DEPTOR: variants seen among roughly 807,000 people sequenced by gnomAD.
DEPTOR encodes the protein DEP domain-containing mTOR-interacting protein.
In DEPTOR, 41 loss-of-function variants were observed where a neutral mutation model predicts 41.6. The observed-to-expected ratio is 0.98, with a 90% CI of 0.77 to 1.28. The LOEUF is 1.28. DEPTOR is among the 50% of genes most tolerant of loss of function. The pLI, the probability that DEPTOR is intolerant of heterozygous loss-of-function variation, is 0.00. For missense variants in DEPTOR, 514 were observed against 527.9 expected (o/e 0.97, Z 0.26); for synonymous variants, 195 against 192.3 (o/e 1.01, Z -0.12).
intron 8 of DEPTOR, among the ~76,000 whole-genome samples, chr8:120,017,026 T>C (rs1218770398): frequency 6.6e-6 from 1 of 152,248 alleles, no homozygotes; most frequent in Non-Finnish European, 1.5e-5. Flanking sequence ...CTTGTCCATC[T>C]GTTCTCAACG....
chr8:120,028,038 G>A (rs1026521776), intron 8 of DEPTOR, among the ~76,000 whole-genome samples: 1 of 152,252 alleles, frequency 6.6e-6, no homozygotes, highest in African/African-American at 2.4e-5. Context: ...TGCGTAATCC[G>A]GTCATGTTGT....
In DEPTOR at chr8:119,969,604, C is replaced by T. The variant is rs193108220; in HGVS notation, c.604+4194C>T. 5.9e-5 allele frequency among the ~76,000 whole-genome samples: 9 copies of T among 152,316 alleles called. No homozygotes were observed. The East Asian group carries it at 1.7e-3, about 29-fold the overall frequency. ...CTCCTGACCTCAGGTGATCCACCCA[C>T]CTTGGCCTCCCAAAGTGCTGGGATT... On this transcript the variant is annotated intron_variant, in intron 4 of 8. Coordinates refer to ENST00000286234, the MANE Select transcript of DEPTOR (RefSeq NM_022783.4).
intron 8 of DEPTOR, among the ~76,000 whole-genome samples, chr8:120,014,592 A>T (rs969671095): frequency 2.0e-5 from 3 of 151,816 alleles, no homozygotes; most frequent in Non-Finnish European, 4.4e-5. Context: ...CAGTGGTACA[A>T]TCTTGGCTCA....
chr8:119,950,827 G>A (rs540788540), intron 3 of DEPTOR, among the ~76,000 whole-genome samples: 1 of 152,094 alleles, frequency 6.6e-6, no homozygotes, highest in African/African-American at 2.4e-5. Context: ...CCAACTCCTG[G>A]CCTCAAGAGA....
chr8:119,922,189 A>G (rs549249079), intron 1 of DEPTOR, among the ~76,000 whole-genome samples: 1 of 151,722 alleles, frequency 6.6e-6, no homozygotes, highest in East Asian at 2.0e-4. Flanking sequence ...CAGTGAGCCA[A>G]GATGGCGCCA....
At chr8:120,023,592 A>G (rs927263450) in intron 8 of DEPTOR, among the ~76,000 whole-genome samples, 1 of 152,180 alleles carries the variant, frequency 6.6e-6, no homozygotes, top group African/African-American at 2.4e-5. Flanking sequence ...TCTTTACTAT[A>G]TCTGCTGGGA....
chr8:120,044,295 T>G (rs1463731860), intron 8 of DEPTOR, among the ~76,000 whole-genome samples: 1 of 151,946 alleles, frequency 6.6e-6, no homozygotes, highest in Non-Finnish European at 1.5e-5. Flanking sequence ...CCAGCTAATG[T>G]TTCGTATTTA....
chr8:119,965,512 T>G, intron 4 of DEPTOR, 102 bp downstream of exon 4: 2 of 1,405,378 alleles, frequency 1.4e-6, no homozygotes, highest in Non-Finnish European at 1.9e-6. Context: ...AATCTGTAAG[T>G]CAGCTGCACC....
At chr8:119,962,821 T>TG (rs1311578687) in intron 3 of DEPTOR, among the ~76,000 whole-genome samples, 3 of 152,138 alleles carry the variant, frequency 2.0e-5, no homozygotes, top group Non-Finnish European at 2.9e-5. Flanking sequence ...GTGCCTGAGA[T>TG]GGGAAGGCTT....
chr8:119,873,994 G>GC, intron 1 of DEPTOR, 26 bp downstream of exon 1: 5 of 1,612,112 alleles, frequency 3.1e-6, no homozygotes, highest in Non-Finnish European at 4.2e-6. Context: ...CAGCGGGTGA[G>GC]CTCACGATGG....
chr8:119,894,549 ACTATGCCCGG>A (rs1208716393), intron 1 of DEPTOR, among the ~76,000 whole-genome samples: 1 of 151,932 alleles, frequency 6.6e-6, no homozygotes, highest in Non-Finnish European at 1.5e-5. Flanking sequence ...GGCACCCGCC[ACTATGCCCGG>A]CTAATTTTTT....
intron 4 of DEPTOR, among the ~76,000 whole-genome samples, chr8:119,987,568 GA>G (rs1374906585): frequency 6.6e-6 from 1 of 152,202 alleles, no homozygotes; most frequent in Non-Finnish European, 1.5e-5. Context: ...TGTGCTGGGA[GA>G]TCCAGTGCTC....
intron 1 of DEPTOR, among the ~76,000 whole-genome samples, chr8:119,905,116 C>T (rs1199141923): frequency 1.3e-5 from 2 of 151,978 alleles, no homozygotes; most frequent in Non-Finnish European, 2.9e-5. Flanking sequence ...CCAGTGAATG[C>T]ACCTTTTACC....
intron 8 of DEPTOR, among the ~76,000 whole-genome samples, chr8:120,017,196 G>A (rs924414994): frequency 2.0e-5 from 3 of 152,280 alleles, no homozygotes; most frequent in East Asian, 1.9e-4. Flanking sequence ...GTGACCACTA[G>A]CATTGTGTCC....
intron 8 of DEPTOR, among the ~76,000 whole-genome samples, chr8:120,032,471 T>G (rs1185449770): frequency 6.6e-6 from 1 of 152,164 alleles, no homozygotes; most frequent in East Asian, 1.9e-4. Flanking sequence ...TCTGTCTGCC[T>G]CTGCCTCCCA....
intron 8 of DEPTOR, among the ~76,000 whole-genome samples, chr8:120,045,987 C>T (rs1813147875): frequency 6.6e-6 from 1 of 152,112 alleles, no homozygotes; most frequent in South Asian, 2.1e-4. Flanking sequence ...CACATACAGC[C>T]TTGACCATCC....
intron 1 of DEPTOR, among the ~76,000 whole-genome samples, chr8:119,922,102 G>A (rs1827903855): frequency 1.3e-5 from 2 of 151,886 alleles, no homozygotes; most frequent in African/African-American, 4.8e-5. Context: ...AGCTGGGCAT[G>A]GTGGCGGGCA....
chr8:119,881,762 G>A (rs1041205881), intron 1 of DEPTOR, among the ~76,000 whole-genome samples: 7 of 152,214 alleles, frequency 4.6e-5, no homozygotes, highest in Admixed American at 1.3e-4. Context: ...AGATATCCTG[G>A]AGTCAGTAAA....
intron 1 of DEPTOR, among the ~76,000 whole-genome samples, chr8:119,907,593 G>A (rs1316909356): frequency 1.3e-5 from 2 of 152,126 alleles, no homozygotes; most frequent in Non-Finnish European, 2.9e-5. Context: ...TCAAGTTTGA[G>A]ACCACACTGG....
Sources: gnomAD v4.1 joint callset for allele counts (sites outside exome capture counted in the v4.1 genomes callset) on GRCh38, gnomAD v4.1.1 for gene constraint, MANE v1.5 for transcripts, NCBI Gene and HGNC (gene_info 2026-07-23, HGNC 2026-07-21) for gene names.